RAB27B: variants seen among roughly 807,000 people sequenced by gnomAD.
RAB27B encodes RAB27B, member RAS oncogene family, also known as ras-related protein Rab-27B.
A neutral mutation model predicts 24.6 loss-of-function variants in RAB27B; 15 were observed. The observed-to-expected ratio is 0.61, with a 90% CI of 0.41 to 0.94. RAB27B has a LOEUF of 0.94. Ranked by LOEUF, RAB27B falls within the 40% of genes least tolerant of loss-of-function variation. The pLI is 0.00. For missense variants in RAB27B, 261 were observed against 266.8 expected, an observed-to-expected ratio of 0.98 and a Z score of 0.15; for synonymous variants, 105 against 92.5, an observed-to-expected ratio of 1.14 and a Z score of -0.78.
chr18:54,771,312 T>C (rs1395624497), intron 2 of RAB27B, among the ~76,000 whole-genome samples: 1 of 152,180 alleles, frequency 6.6e-6, no homozygotes, highest in Non-Finnish European at 1.5e-5. Context: ...TGCAATAACA[T>C]GAGTTTGTAA....
chr18:54,758,523 G>A (rs1908076614), intron 2 of RAB27B, among the ~76,000 whole-genome samples: 1 of 151,700 alleles, frequency 6.6e-6, no homozygotes, highest in Non-Finnish European at 1.5e-5. Context: ...AGGTTTGGGA[G>A]AAATCAGGAA....
chr18:54,872,374 C>T (rs558917802), intron 1 of RAB27B, among the ~76,000 whole-genome samples: 264 of 152,112 alleles, frequency 1.7e-3, no homozygotes, highest in South Asian at 0.011. Context: ...GCCTGTAATC[C>T]CAGCACTTTG....
In RAB27B at chr18:54,840,133, G is replaced by A. The variant is rs79241578; in HGVS notation, c.-20+11433G>A. The stretch of plus-strand genomic sequence containing the variant: ...TATGACTTGTCTATTTTATCATGAA[G>A]GTAAGATTGTCTTCTTGAGTATCTT... On this transcript the variant is annotated intron_variant, in intron 1 of 5. Transcript: ENST00000262094. Among the ~76,000 whole-genome samples, 839 of 152,214 alleles carry A rather than the reference G, an allele frequency of 5.5e-3. 6 individuals carry two copies. The highest frequency in any genetic ancestry group is 0.018 in the African/African-American group (765 of 41,530).
chr18:54,758,093 GTT>G (rs145683514), intron 2 of RAB27B, among the ~76,000 whole-genome samples: 4 of 151,772 alleles, frequency 2.6e-5, no homozygotes, highest in African/African-American at 9.7e-5. Flanking sequence ...TGTAACCTAG[GTT>G]TTTTTTAAGC....
intron 2 of RAB27B, among the ~76,000 whole-genome samples, chr18:54,810,639 G>A (rs149237092): frequency 6.6e-5 from 10 of 152,084 alleles, no homozygotes; most frequent in Middle Eastern, 3.4e-3. Context: ...AGACCAGCCT[G>A]ACAAACATAG....
At position 54,895,504 on chromosome 18, in the gene RAB27B, T is replaced by C. The variant is rs1279218621; in HGVS notation, c.*6091T>C. 2.6e-5 allele frequency: 4 copies of C among 152,160 alleles called. No individual in the cohort carries two copies. Among genetic ancestry groups the C allele is most frequent in the East Asian group, 3.9e-4 (2 of 5,194 alleles). 9.4% of individuals were successfully genotyped at this position (152,160 alleles called of 1,614,324 possible). ...GCACACTTTTCAAATAAAAAATGAA[T>C]TTTTATCAATTATTTTCTGTACTCA... On this transcript the variant is annotated 3_prime_UTR_variant, in exon 6 of 6. Transcript: ENST00000262094.
intron 1 of RAB27B, among the ~76,000 whole-genome samples, chr18:54,852,873 T>G (rs1911640694): frequency 6.6e-6 from 1 of 152,222 alleles, no homozygotes; most frequent in Non-Finnish European, 1.5e-5. Flanking sequence ...AACTATCTTG[T>G]TTCTCTTCCT....
chr18:54,865,226 G>A (rs1233503684), intron 1 of RAB27B, among the ~76,000 whole-genome samples: 2 of 136,994 alleles, frequency 1.5e-5, no homozygotes, highest in East Asian at 2.1e-4. Flanking sequence ...TAATTTTACT[G>A]CAATGGCCTT....
chr18:54,877,582 C>T lies in RAB27B; in HGVS notation c.-4C>T. On this transcript the variant is annotated 5_prime_UTR_variant, in exon 2 of 6. Transcript: ENST00000262094. ...TCCTATACAGACCGACCAAGACCATCACTATGACCGATGGAGACTATGATT... is the reference window on the plus strand; with the variant it reads ...TCCTATACAGACCGACCAAGACCATTACTATGACCGATGGAGACTATGATT... 1 of 1,539,376 alleles carries T rather than the reference C, an allele frequency of 6.5e-7. No individual in the cohort carries two copies. Among genetic ancestry groups the T allele is most frequent in the South Asian group, 1.3e-5 (1 of 76,076 alleles).
At chr18:54,804,984 C>T (rs1187770664) in intron 2 of RAB27B, among the ~76,000 whole-genome samples, 1 of 134,192 alleles carries the variant, frequency 7.5e-6, no homozygotes, top group African/African-American at 2.9e-5. Flanking sequence ...GCCTTCCTTC[C>T]TTTTTTTTTT....
chr18:54,826,240 A>C (rs1175211319), upstream of RAB27B, among the ~76,000 whole-genome samples: 3 of 152,216 alleles, frequency 2.0e-5, no homozygotes, highest in Non-Finnish European at 2.9e-5. Flanking sequence ...TGTTATGTCT[A>C]CTTAAGTTAT....
chr18:54,727,252 G>A (rs1185073527), intron 2 of RAB27B, among the ~76,000 whole-genome samples: 2 of 152,164 alleles, frequency 1.3e-5, no homozygotes, highest in Admixed American at 6.5e-5. Flanking sequence ...GGGATTACAG[G>A]TGTGAACCAC....
At chr18:54,771,079 C>T (rs1908532540) in intron 2 of RAB27B, among the ~76,000 whole-genome samples, 1 of 152,020 alleles carries the variant, frequency 6.6e-6, no homozygotes, top group African/African-American at 2.4e-5. Flanking sequence ...GATTAGACTG[C>T]AGTAAGATGG....
intron 2 of RAB27B, among the ~76,000 whole-genome samples, chr18:54,780,688 A>T (rs1391491494): frequency 1.3e-5 from 2 of 152,206 alleles, no homozygotes; most frequent in African/African-American, 4.8e-5. Flanking sequence ...ATATGGTCAT[A>T]TTCTGAGATA....
At chr18:54,772,866 G>T (rs1908594438) in intron 2 of RAB27B, among the ~76,000 whole-genome samples, 1 of 152,070 alleles carries the variant, frequency 6.6e-6, no homozygotes, top group Non-Finnish European at 1.5e-5. Context: ...GGTTTCATCT[G>T]TTTCCTCCTT....
intron 1 of RAB27B, among the ~76,000 whole-genome samples, chr18:54,831,525 A>G (rs910825648): frequency 2.0e-5 from 3 of 152,206 alleles, no homozygotes; most frequent in African/African-American, 7.2e-5. Flanking sequence ...TTTACTGAGC[A>G]TACTATGAAC....
chr18:54,805,564 C>T (rs1387303174), intron 2 of RAB27B, among the ~76,000 whole-genome samples: 1 of 152,098 alleles, frequency 6.6e-6, no homozygotes, highest in Non-Finnish European at 1.5e-5. Flanking sequence ...CAACTTTGTC[C>T]TTTGTGATTG....
chr18:54,774,108 AAC>A (rs1908642528), intron 2 of RAB27B, among the ~76,000 whole-genome samples: 1 of 152,358 alleles, frequency 6.6e-6, no homozygotes, highest in East Asian at 1.9e-4. Context: ...CTGAATAGCT[AAC>A]ACACACGGCA....
At chr18:54,886,461 A>G (rs1913140909) in intron 4 of RAB27B, among the ~76,000 whole-genome samples, 1 of 152,118 alleles carries the variant, frequency 6.6e-6, no homozygotes, top group Non-Finnish European at 1.5e-5. Context: ...ATTCATGATT[A>G]TATATAATAA....
Sources: allele counts gnomAD v4.1 joint callset (sites outside exome capture counted in the v4.1 genomes callset), GRCh38; gene constraint gnomAD v4.1.1; transcripts MANE v1.5; gene names NCBI Gene and HGNC (gene_info 2026-07-23, HGNC 2026-07-21).